The following CEP128 variants were observed in gnomAD, a reference collection of about 807,000 sequenced individuals.
CEP128 encodes the protein centrosomal protein 128, also known as centrosomal protein 128kDa.
A neutral mutation model predicts 156.7 loss-of-function variants in CEP128; 132 were observed. That is an observed-to-expected ratio of 0.84 (90% CI 0.73 to 0.97). CEP128 has a LOEUF of 0.97. CEP128 is among the 50% of genes least tolerant of loss of function. CEP128 has a pLI of 0.00. For missense variants in CEP128, 1,252 were observed against 1,281.9 expected (o/e 0.98, Z 0.36); for synonymous variants, 469 against 448.9 (o/e 1.04, Z -0.57).
chr14:80,867,253 A>G (rs1887810849), intron 8 of CEP128, among the ~76,000 whole-genome samples: 1 of 152,204 alleles, frequency 6.6e-6, no homozygotes, highest in African/African-American at 2.4e-5. Context: ...AGTTGTGTCT[A>G]TGGCATGGAT....
chr14:80,714,939 A>G (rs113166536), intron 19 of CEP128, among the ~76,000 whole-genome samples: 3,242 of 152,304 alleles, frequency 0.021, 119 homozygotes, highest in African/African-American at 0.073. Flanking sequence ...TATTTTTATA[A>G]AAGTAATTAT....
At chr14:80,667,440 C>T (rs1232264909) in intron 19 of CEP128, among the ~76,000 whole-genome samples, 1 of 152,016 alleles carries the variant, frequency 6.6e-6, no homozygotes, top group East Asian at 1.9e-4. Context: ...AGTGGGGAAT[C>T]CAGAGTAAGA....
intron 20 of CEP128, among the ~76,000 whole-genome samples, chr14:80,560,155 A>C (rs1351228717): frequency 1.8e-4 from 27 of 152,070 alleles, no homozygotes; most frequent in Admixed American, 1.8e-3. Flanking sequence ...GTCAGGTGCA[A>C]TGCCTCACAC....
At chr14:80,621,933 T>A (rs1039621766) in intron 19 of CEP128, among the ~76,000 whole-genome samples, 22 of 152,166 alleles carry the variant, frequency 1.4e-4, no homozygotes, top group African/African-American at 5.3e-4. Context: ...AAGGCTAAAA[T>A]TAGACCTTTT....
intron 18 of CEP128, among the ~76,000 whole-genome samples, chr14:80,749,117 T>A (rs1028753908): frequency 3.3e-5 from 5 of 152,038 alleles, no homozygotes; most frequent in Non-Finnish European, 5.9e-5. Flanking sequence ...CTCCTCCACC[T>A]CCAGGCAGTT....
chr14:80,856,718 T>A (rs1033665935), intron 9 of CEP128, among the ~76,000 whole-genome samples: 5 of 124,962 alleles, frequency 4.0e-5, no homozygotes, highest in Admixed American at 7.8e-5. Flanking sequence ...TGTTTTTCTT[T>A]TCTTTTTTTT....
chr14:80,734,846 CA>C (rs397798792), intron 19 of CEP128, among the ~76,000 whole-genome samples: 18,738 of 62,382 alleles, frequency 0.3, 792 homozygotes, highest in East Asian at 0.43. Flanking sequence ...GACCCCATCT[CA>C]AAAAAAAAAA....
intron 14 of CEP128, among the ~76,000 whole-genome samples, chr14:80,482,203 C>T (rs551054591): frequency 1.3e-5 from 2 of 152,206 alleles, no homozygotes; most frequent in Admixed American, 1.3e-4. Context: ...TTGCATATTT[C>T]TGAGTATTTA....
chr14:80,797,524 A>C (rs1883561715), intron 13 of CEP128, among the ~76,000 whole-genome samples: 1 of 152,182 alleles, frequency 6.6e-6, no homozygotes, highest in Non-Finnish European at 1.5e-5. Context: ...GTTATGTTTC[A>C]GGTAAAATTC....
chr14:80,759,745 A>G (rs984444251), intron 17 of CEP128, among the ~76,000 whole-genome samples: 2 of 152,168 alleles, frequency 1.3e-5, no homozygotes, highest in Admixed American at 6.5e-5. Flanking sequence ...CTGAAAGCCT[A>G]TAAAAAATTG....
intron 19 of CEP128, among the ~76,000 whole-genome samples, chr14:80,606,016 A>C (rs2140555844): frequency 6.6e-6 from 1 of 151,868 alleles, no homozygotes; most frequent in African/African-American, 2.4e-5. Context: ...AAACTATGAA[A>C]ATTTTTAAAT....
intron 13 of CEP128, among the ~76,000 whole-genome samples, chr14:80,821,072 A>G (rs984337994): frequency 2.0e-5 from 3 of 152,202 alleles, no homozygotes; most frequent in African/African-American, 7.2e-5. Context: ...GTGCATATGA[A>G]TAAGTTAGCT....
At chr14:80,941,033 T>C (rs1886124301) in intron 1 of CEP128, among the ~76,000 whole-genome samples, 1 of 152,224 alleles carries the variant, frequency 6.6e-6, no homozygotes, top group Non-Finnish European at 1.5e-5. Flanking sequence ...CAGCTGGGAT[T>C]CAATGTCAGG....
intron 19 of CEP128, among the ~76,000 whole-genome samples, chr14:80,719,051 C>T (rs1897715845): frequency 6.6e-6 from 1 of 152,162 alleles, no homozygotes; most frequent in African/African-American, 2.4e-5. Context: ...CAGGAACCGG[C>T]AGATGGCAAT....
At chr14:80,618,053 GAC>G (rs1893303147) in intron 19 of CEP128, among the ~76,000 whole-genome samples, 1 of 152,138 alleles carries the variant, frequency 6.6e-6, no homozygotes, top group African/African-American at 2.4e-5. Context: ...TACATCCTAA[GAC>G]ATGGTAAGCA....
chr14:80,867,647 A>T (rs971356586), intron 8 of CEP128, among the ~76,000 whole-genome samples: 2 of 152,042 alleles, frequency 1.3e-5, no homozygotes, highest in Admixed American at 6.5e-5. Flanking sequence ...GGTCATTTGA[A>T]ATTGCCCACT....
intron 19 of CEP128, among the ~76,000 whole-genome samples, chr14:80,676,576 T>C (rs1896070517): frequency 2.0e-5 from 3 of 152,264 alleles, no homozygotes; most frequent in East Asian, 1.9e-4. Flanking sequence ...TAGTGTATGG[T>C]TGAATAAAAG....
rs987770710 is a variant in CEP128 at position 80,721,770 on chromosome 14, G to A, written c.2806+21305C>T. ...TATAAATAAATAAACAGGTGAATTC[G>A]TGAATAAGTGGATAAAGTTCATGAT... On this transcript the variant is annotated intron_variant, in intron 19 of 24. Transcript: ENST00000555265. Among the ~76,000 whole-genome samples, 5 of 152,270 alleles carry A rather than the reference G, an allele frequency of 3.3e-5. No homozygotes were observed. The East Asian group carries it at 7.7e-4, about 23-fold the overall frequency.
chr14:80,639,049 C>CTT (rs1243412114), intron 19 of CEP128, among the ~76,000 whole-genome samples: 1 of 152,042 alleles, frequency 6.6e-6, no homozygotes, highest in Non-Finnish European at 1.5e-5. Context: ...ACATACATTG[C>CTT]TTAATACAAT....
Sources: gnomAD v4.1 joint callset for allele counts (sites outside exome capture counted in the v4.1 genomes callset) on GRCh38, gnomAD v4.1.1 for gene constraint, MANE v1.5 for transcripts, NCBI Gene and HGNC (gene_info 2026-07-23, HGNC 2026-07-21) for gene names.